KIF21A: variants seen among roughly 807,000 people sequenced by gnomAD.
The protein encoded by KIF21A is kinesin family member 21A.
In KIF21A, 114 loss-of-function variants were observed where a neutral mutation model predicts 202.9. The ratio of observed to expected loss-of-function variants is 0.56; its 90% CI spans 0.48 to 0.66. KIF21A has a LOEUF of 0.66. KIF21A is among the 30% of genes least tolerant of loss of function. The pLI is 0.00. For synonymous variants in KIF21A, 667 were observed against 670.8 expected, an observed-to-expected ratio of 0.99 and a Z score of 0.09; for missense variants, 1,677 against 1,994.9, an observed-to-expected ratio of 0.84 and a Z score of 3.04.
rs1944956492 is a variant in KIF21A at position 39,319,404 on chromosome 12, G to A, written c.3779+502C>T. On this transcript the variant is annotated intron_variant, in intron 28 of 37. Transcript: ENST00000361418. ...ACTAACCCTCACAAAACACACAGAA[G>A]AAACATTGAGGATAATACCAACAAT... Among the ~76,000 whole-genome samples, 4 of 152,172 alleles carry A rather than the reference G, an allele frequency of 2.6e-5. No homozygotes were observed. In the South Asian group the frequency reaches 8.3e-4, roughly 32 times the overall value.
At chr12:39,332,029 G>A (rs1946551749) in intron 21 of KIF21A, 185 bp downstream of exon 21, 3 of 673,098 alleles carry the variant, frequency 4.5e-6, no homozygotes, top group Non-Finnish European at 7.7e-6. Flanking sequence ...AACAACAAAT[G>A]TTATCACACA....
rs918032146 is a variant in KIF21A at position 39,432,645 on chromosome 12, C to T, written c.44+10282G>A. Among the ~76,000 whole-genome samples the T allele has an allele frequency of 2.6e-5, 4 of 151,218 alleles. No homozygotes were observed. In the South Asian group the frequency reaches 8.4e-4, roughly 32 times the overall value. ...TTTTTTTTTTTAACAGAGCCTGGCT[C>T]TATCACGCAGGCTGGAGTGCAGTGG... is the stretch of plus-strand genomic sequence containing the variant. On this transcript the variant is annotated intron_variant, in intron 1 of 37. Coordinates refer to ENST00000361418, the MANE Select transcript of KIF21A (RefSeq NM_001173464.2).
chr12:39,322,134 G>A (rs890096872), intron 27 of KIF21A: 3 of 152,034 alleles, frequency 2.0e-5, no homozygotes, highest in African/African-American at 7.3e-5. Flanking sequence ...ATATTTTTGG[G>A]GCATACACTC....
chr12:39,365,297 C>T (rs1252240746), intron 6 of KIF21A, among the ~76,000 whole-genome samples: 1 of 152,210 alleles, frequency 6.6e-6, no homozygotes, highest in Non-Finnish European at 1.5e-5. Flanking sequence ...TATTGCAATT[C>T]CCCTGTCTTG....
intron 1 of KIF21A, among the ~76,000 whole-genome samples, chr12:39,430,742 A>G (rs1039609754): frequency 2.0e-5 from 3 of 152,124 alleles, no homozygotes; most frequent in Admixed American, 6.5e-5. Flanking sequence ...AATTTCATGT[A>G]TTAGAAACTT....
intron 33 of KIF21A, 117 bp from the exon 34 acceptor site, chr12:39,307,846 C>T: frequency 2.5e-6 from 2 of 791,744 alleles, no homozygotes; most frequent in Non-Finnish European, 4.3e-6. Flanking sequence ...GTCCTTTTGT[C>T]ACTATATGTA....
intron 1 of KIF21A, among the ~76,000 whole-genome samples, chr12:39,437,057 C>T (rs953027236): frequency 6.6e-6 from 1 of 152,120 alleles, no homozygotes; most frequent in African/African-American, 2.4e-5. Context: ...CATCTTTGAG[C>T]TGTAACATGT....
At chr12:39,298,110 T>C (rs1375212743) in intron 37 of KIF21A, among the ~76,000 whole-genome samples, 1 of 151,968 alleles carries the variant, frequency 6.6e-6, no homozygotes, top group Non-Finnish European at 1.5e-5. Context: ...CAAAAGGCAG[T>C]GCGAGGCTGT....
chr12:39,330,346 A>T, intron 23 of KIF21A, 84 bp from the exon 24 acceptor site: 1 of 1,200,632 alleles, frequency 8.3e-7, no homozygotes, highest in South Asian at 1.2e-5. Context: ...ACATAAAACA[A>T]GATTATGTAC....
chr12:39,441,843 G>C (rs1371733740), intron 1 of KIF21A, among the ~76,000 whole-genome samples: 4 of 152,036 alleles, frequency 2.6e-5, no homozygotes, highest in Non-Finnish European at 4.4e-5. Flanking sequence ...ACAAGACTGG[G>C]AGATTGTTAA....
Position 39,354,472 on chromosome 12 carries a change from A to G in KIF21A, c.1469+2360T>C, listed in dbSNP as rs184505712. 2.0e-4 allele frequency among the ~76,000 whole-genome samples: 30 copies of G among 152,294 alleles called. 1 individual carries two copies. The East Asian group carries it at 5.4e-3, about 27-fold the overall frequency. ...TTTTAATTTTCTCTTACATTTTCCT[A>G]TATTTTCAAAATGTTCTGCAAAATT... On this transcript the variant is annotated intron_variant, in intron 10 of 37. Coordinates refer to ENST00000361418, the MANE Select transcript of KIF21A (RefSeq NM_001173464.2).
Position 39,389,549 on chromosome 12 carries a change from T to C in KIF21A, c.45-19288A>G, listed in dbSNP as rs1034839064. 3.3e-5 allele frequency among the ~76,000 whole-genome samples: 5 copies of C among 152,298 alleles called. No homozygotes were observed. In the East Asian group the frequency reaches 5.8e-4, roughly 18 times the overall value. On this transcript the variant is annotated intron_variant, in intron 1 of 37. Transcript: ENST00000361418. ...GCTTGCCACTGCCACCAGTCCATAA[T>C]ACCCAAAAACCAAATCAAATTTGTG...
At chr12:39,301,340 G>A (rs1307722686) in intron 37 of KIF21A, 140 bp downstream of exon 37, 2 of 798,186 alleles carry the variant, frequency 2.5e-6, no homozygotes, top group Non-Finnish European at 2.1e-6. Context: ...CAGAAAATAT[G>A]AATAAGACAT....
In KIF21A at chr12:39,311,371, T is replaced by A. The variant is rs187664020; in HGVS notation, c.4096+46A>T. ...GAATATGTTAAAAATGTAATTTTTT[T>A]TAAAAAAAAAGCTATTAAATATCTG... On this transcript the variant is annotated intron_variant, in intron 32 of 37. Coordinates refer to ENST00000361418, the MANE Select transcript of KIF21A (RefSeq NM_001173464.2). The A allele has an allele frequency of 8.4e-3, 12,987 of 1,545,302 alleles. 539 individuals carry two copies. The African/African-American group carries it at 0.15, about 18-fold the overall frequency.
chr12:39,409,728 GGA>G (rs1168560314), intron 1 of KIF21A, among the ~76,000 whole-genome samples: 8 of 152,130 alleles, frequency 5.3e-5, no homozygotes, highest in Non-Finnish European at 7.4e-5. Flanking sequence ...ATCTTGAGAT[GGA>G]GAGATTTTCG....
chr12:39,405,056 T>TA (rs1394669666), intron 1 of KIF21A, among the ~76,000 whole-genome samples: 1 of 152,060 alleles, frequency 6.6e-6, no homozygotes, highest in African/African-American at 2.4e-5. Context: ...ATTCATGTGG[T>TA]AAAAATATAC....
Position 39,367,933 on chromosome 12 carries a change from C to A in KIF21A, c.550G>T (p.Gly184Ter). The A allele has an allele frequency of 6.2e-7, 1 of 1,608,914 alleles. No individual in the cohort carries two copies. Among genetic ancestry groups the A allele is most frequent in the Non-Finnish European group, 8.5e-7 (1 of 1,175,646 alleles). ...GTTGTAACGCCCACAGTATAAATTCCTCCAGTTGAATCTTCATGAATTCTT... is the reference window on the plus strand; with the variant it reads ...GTTGTAACGCCCACAGTATAAATTCATCCAGTTGAATCTTCATGAATTCTT... Reference protein sequence around the residue: ...NIRIHEDSTGGIYTVGVTTRT... With the variant: ...NIRIHEDSTG Residue 184 changes from glycine (G) to a stop codon, truncating the protein, a stop_gained, in exon 4 of 38, where the codon GGA becomes TGA. Coordinates refer to ENST00000361418, the MANE Select transcript of KIF21A (RefSeq NM_001173464.2). LOFTEE classifies it high-confidence loss of function.
At chr12:39,422,153 G>T (rs912376681) in intron 1 of KIF21A, among the ~76,000 whole-genome samples, 23 of 151,182 alleles carry the variant, frequency 1.5e-4, no homozygotes, top group Non-Finnish European at 2.1e-4. Context: ...AATAGAGAGG[G>T]TTTCATTACG....
At chr12:39,412,061 G>A (rs138609018) in intron 1 of KIF21A, among the ~76,000 whole-genome samples, 2 of 151,876 alleles carry the variant, frequency 1.3e-5, no homozygotes, top group African/African-American at 2.4e-5. Context: ...TGCTGGTCTA[G>A]AACTCCTGAC....
Sources: gnomAD v4.1 joint callset for allele counts (sites outside exome capture counted in the v4.1 genomes callset) on GRCh38, gnomAD v4.1.1 for gene constraint, MANE v1.5 for transcripts, NCBI Gene and HGNC (gene_info 2026-07-23, HGNC 2026-07-21) for gene names.